CD93: variants seen among roughly 807,000 people sequenced by gnomAD.
CD93 encodes complement component C1q receptor.
CD93 carries 44 observed loss-of-function variants against 45.5 expected under a neutral mutation model. The ratio of observed to expected loss-of-function variants is 0.97; its 90% CI spans 0.76 to 1.24. The LOEUF is 1.24. CD93 is among the 50% of genes most tolerant of loss of function. The pLI is 0.00. For missense variants in CD93, 918 were observed against 844.5 expected (o/e 1.09, Z -1.08); for synonymous variants, 431 against 370.8 (o/e 1.16, Z -1.87).
rs140700593 is a variant in CD93 at position 23,085,359 on chromosome 20, C to G, written c.834G>C (p.Gly278=). 2.1e-4 allele frequency: 339 copies of G among 1,613,922 alleles called. 1 individual carries two copies. The highest frequency in any genetic ancestry group is 9.4e-4 in the East Asian group (42 of 44,892). ...NGGCHQDCFE[G]GDGSFLCGCR... is the part of the protein sequence containing the mutation. Reference sequence around the variant, plus strand: ...AGCCGCAGAGGAAGGAGCCATCCCCCCCTTCAAAGCAGTCCTGGTGGCAGC... The same window carrying G: ...AGCCGCAGAGGAAGGAGCCATCCCCGCCTTCAAAGCAGTCCTGGTGGCAGC... Residue 278 remains glycine, a synonymous_variant, in exon 1 of 2, where the codon GGG becomes GGC. Transcript: ENST00000246006.
At position 23,084,895 on chromosome 20, in the gene CD93, C is replaced by A. The variant is rs553782476; in HGVS notation, c.1298G>T (p.Gly433Val). The change falls in exon 1 of 2, where the codon GGC becomes GTC. Residue 433 changes from glycine (G) to valine (V), a missense_variant. Transcript: ENST00000246006. The part of the protein sequence containing the change: ...TQCQDVDECV[G>V]PGGPLCDSLC... Reference sequence around the variant, plus strand: ...GCTGTCGCAGAGGGGGCCCCCCGGGCCCACACACTCATCCACGTCCTGGCA... The same window carrying A: ...GCTGTCGCAGAGGGGGCCCCCCGGGACCACACACTCATCCACGTCCTGGCA... 1.9e-6 allele frequency: 3 copies of A among 1,613,002 alleles called. No homozygotes were observed.
chr20:23,080,123 T>G lies in CD93; in HGVS notation c.*3827A>C, dbSNP rs757899946. On this transcript the variant is annotated 3_prime_UTR_variant, in exon 2 of 2. Coordinates refer to ENST00000246006, the MANE Select transcript of CD93 (RefSeq NM_012072.4). Reference sequence around the variant, plus strand: ...AATATGTAGGGGGCATTAAACCATTTTGCAGCTGCTAGAAAGCTGTGTTTT... The same window carrying G: ...AATATGTAGGGGGCATTAAACCATTGTGCAGCTGCTAGAAAGCTGTGTTTT... The G allele has an allele frequency of 5.2e-5, 8 of 152,510 alleles. No homozygotes were observed. Among genetic ancestry groups the G allele is most frequent in the Non-Finnish European group, 8.8e-5 (6 of 68,026 alleles). The allele number at this position is 152,510 out of a possible 1,614,324, so 9.4% of individuals were successfully genotyped here.
chr20:23,086,011 G>A lies in CD93; in HGVS notation c.182C>T (p.Ala61Val). ...GGCCTCCTCCTTGCTCTTCACAGTG[G>A]CCAGGTTGCCCCCGTTCTGGTTGCA... ...NHCNQNGGNLATVKSKEEAQH... is the reference protein window; with the variant it reads ...NHCNQNGGNLVTVKSKEEAQH... Residue 61 changes from alanine (A) to valine (V), a missense_variant, in exon 1 of 2, where the codon GCC becomes GTC. Physicochemically the swap from Ala to Val is moderately conservative, Grantham distance 64. Coordinates refer to ENST00000246006, the MANE Select transcript of CD93 (RefSeq NM_012072.4). The A allele has an allele frequency of 6.2e-7, 1 of 1,610,286 alleles. No homozygotes were observed. The highest frequency in any genetic ancestry group is 8.5e-7 in the Non-Finnish European group (1 of 1,179,352).
chr20:23,083,654 C>A lies in CD93; in HGVS notation c.*296G>T. On this transcript the variant is annotated 3_prime_UTR_variant, in exon 2 of 2. Coordinates refer to ENST00000246006, the MANE Select transcript of CD93 (RefSeq NM_012072.4). ...GCCCCTTAGCCCCGGCCTCCTCACA[C>A]CCTGATCCGGAATTGGTCACATTGG... The A allele has an allele frequency of 2.0e-6, 1 of 504,156 alleles. No individual in the cohort carries two copies. The highest frequency in any genetic ancestry group is 3.6e-6 in the Non-Finnish European group (1 of 279,370). The allele number at this position is 504,156 out of a possible 1,614,324, so 31.2% of individuals were successfully genotyped here.
At chr20:23,084,030 T>C in intron 1 of CD93, 56 bp from the exon 2 acceptor site, 2 of 1,605,602 alleles carry the variant, frequency 1.2e-6, no homozygotes, top group Non-Finnish European at 1.7e-6. Flanking sequence ...TGCCTGCACG[T>C]CCCCACCTTG....
At position 23,084,244 on chromosome 20, in the gene CD93, C is replaced by A; in HGVS notation, c.1934+15G>T. 6.2e-7 allele frequency: 1 copy of A among 1,611,492 alleles called. No individual in the cohort carries two copies. Among genetic ancestry groups the A allele is most frequent in the Non-Finnish European group, 8.5e-7 (1 of 1,178,950 alleles). ...CTGCCCATCCCCTCCCCCGGTCACT[C>A]AGGGCCCCCTTTACCTGTACTGGTT... is the stretch of plus-strand genomic sequence containing the variant. On this transcript the variant is annotated intron_variant, in intron 1 of 1. Coordinates refer to ENST00000246006, the MANE Select transcript of CD93 (RefSeq NM_012072.4).
rs901684958 is a variant in CD93 at position 23,083,794 on chromosome 20, C to G, written c.*156G>C. The G allele has an allele frequency of 1.1e-5, 8 of 715,464 alleles. No homozygotes were observed. In the African/African-American group the frequency reaches 1.4e-4, roughly 13 times the overall value. The allele number at this position is 715,464 out of a possible 1,614,324, so 44.3% of individuals were successfully genotyped here. On this transcript the variant is annotated 3_prime_UTR_variant, in exon 2 of 2. Coordinates refer to ENST00000246006, the MANE Select transcript of CD93 (RefSeq NM_012072.4). ...ATCAAACACCCGTAGAAAATACCTG[C>G]ATGTTCCAAGGGGCCTTTAAGGAGG...
rs764193328 is a variant in CD93, at chr20:23,085,839, G to A, written c.354C>T (p.Gly118=). 3.1e-5 allele frequency: 14 copies of A among 453,014 alleles called. No homozygotes were observed. The highest frequency in any genetic ancestry group is 9.4e-5 in the East Asian group (1 of 10,592). 28.1% of individuals were successfully genotyped at this position (453,014 alleles called of 1,614,324 possible). A position where few individuals can be genotyped will look rare whatever the true frequency, so the allele number is the denominator to read the frequency against. The change falls in exon 1 of 2, where the codon GGC becomes GGT. Residue 118 remains glycine (G), a synonymous_variant. Transcript: ENST00000246006. ...TAGAGTAAGGCGTGTCCTCCCCCCCGCCCACCCAGCTGAAGCCCTTCAGCG... is the reference window on the plus strand; with the variant it reads ...TAGAGTAAGGCGTGTCCTCCCCCCCACCCACCCAGCTGAAGCCCTTCAGCG... The part of the protein sequence containing the change: ...SLPLKGFSWV[G]GGEDTPYSNW...
chr20:23,084,322 G>T lies in CD93; in HGVS notation c.1871C>A (p.Ala624Glu), dbSNP rs201836966. 1.1e-4 allele frequency: 178 copies of T among 1,614,134 alleles called. 1 individual carries two copies. In the African/African-American group the frequency reaches 2.2e-3, roughly 20 times the overall value. ...TGGAACCCAGGAGTAACTGTCTGCC[G>T]CATTCTGGGGCTTCTTCTCCTTCTT... ...EEKKEKKPQN[A>E]ADSYSWVPER... Residue 624 changes from alanine (A) to glutamate (E), a missense_variant, in exon 1 of 2, where the codon GCG becomes GAG. Physicochemically the swap from Ala to Glu is moderately radical, Grantham distance 107. Transcript: ENST00000246006.
rs779465056 is a variant in CD93 at position 23,084,885 on chromosome 20, GC to G, written c.1307del (p.Gly436AlafsTer152). ...QDVDECVGPGGPLCDSLCFNT... is the reference protein window; with the variant it reads ...QDVDECVGPGXPLCDSLCFNT... ...TGAAGCACAAGCTGTCGCAGAGGGG[GC>G]CCCCCGGGCCCACACACTCATCCAC... On this transcript the variant is annotated frameshift_variant, in exon 1 of 2. Coordinates refer to ENST00000246006, the MANE Select transcript of CD93 (RefSeq NM_012072.4). LOFTEE classifies it high-confidence loss of function. 11 of 1,612,672 alleles carry G rather than the reference GC, an allele frequency of 6.8e-6. No homozygotes were observed. Among genetic ancestry groups the G allele is most frequent in the Admixed American group, 1.7e-5 (1 of 59,896 alleles).
chr20:23,085,281 G>A lies in CD93; in HGVS notation c.912C>T (p.Asn304=), dbSNP rs1985457787. ...LDDLVTCASR[N]PCSSSPCRGG... is the part of the protein sequence containing the mutation. ...CACGACATGGGCTGGAGCTGCAAGG[G>A]TTTCGAGAGGCACAGGTCACCAGGT... The change falls in exon 1 of 2, where the codon AAC becomes AAT. Residue 304 remains asparagine, a synonymous_variant. Transcript: ENST00000246006. 1 of 1,613,950 alleles carries A rather than the reference G, an allele frequency of 6.2e-7. No homozygotes were observed.
Position 23,080,578 on chromosome 20 carries a change from C to G in CD93, c.*3372G>C, listed in dbSNP as rs1985297728. 1 of 152,238 alleles carries G rather than the reference C, an allele frequency of 6.6e-6. No homozygotes were observed. The highest frequency in any genetic ancestry group is 2.1e-4 in the South Asian group (1 of 4,838). 9.4% of individuals were successfully genotyped at this position (152,238 alleles called of 1,614,324 possible). On this transcript the variant is annotated 3_prime_UTR_variant, in exon 2 of 2. Transcript: ENST00000246006. ...TGAAGCCTTGCTCCTCCACCACTGGCTAACAGACAGGCCTCCAGGTGGCCT... is the reference window on the plus strand; with the variant it reads ...TGAAGCCTTGCTCCTCCACCACTGGGTAACAGACAGGCCTCCAGGTGGCCT...
Position 23,083,208 on chromosome 20 carries a change from C to T in CD93, c.*742G>A, listed in dbSNP as rs1456030281. On this transcript the variant is annotated 3_prime_UTR_variant, in exon 2 of 2. Coordinates refer to ENST00000246006, the MANE Select transcript of CD93 (RefSeq NM_012072.4). ...TCCCTGGCCTCTCTCGCCCTAGCCC[C>T]GTAGATTATGTGACTTCACAAACAC... 1 of 152,250 alleles carries T rather than the reference C, an allele frequency of 6.6e-6. No homozygotes were observed. The highest frequency in any genetic ancestry group is 1.5e-5 in the Non-Finnish European group (1 of 68,062). 9.4% of individuals were successfully genotyped at this position (152,250 alleles called of 1,614,324 possible). A position where few individuals can be genotyped will look rare whatever the true frequency, so the allele number is the denominator to read the frequency against.
At position 23,085,108 on chromosome 20, in the gene CD93, G is replaced by A. The variant is rs2122707856; in HGVS notation, c.1085C>T (p.Pro362Leu). ...SPCAQECVNT[P>L]GGFRCECWVG... Reference sequence around the variant, plus strand: ...CCAGCATTCGCAGCGGAAGCCCCCAGGGGTGTTGACACACTCCTGGGCACA... The same window carrying A: ...CCAGCATTCGCAGCGGAAGCCCCCAAGGGTGTTGACACACTCCTGGGCACA... Residue 362 changes from proline to leucine, a missense_variant, in exon 1 of 2, where the codon CCT becomes CTT. By Grantham distance (98) the Pro-to-Leu change is moderately conservative (BLOSUM62 -3). Coordinates refer to ENST00000246006, the MANE Select transcript of CD93 (RefSeq NM_012072.4). 6 of 1,600,952 alleles carry A rather than the reference G, an allele frequency of 3.7e-6. No homozygotes were observed. The highest frequency in any genetic ancestry group is 5.1e-6 in the Non-Finnish European group (6 of 1,172,740).
In CD93 at chr20:23,084,385, A is replaced by G; in HGVS notation, c.1808T>C (p.Leu603Pro). ...ILLLLALALG[L>P]LVYRKRRAKR... is the part of the protein sequence containing the mutation. ...CGCTCTCCGCTTGCGATAGACCAGT[A>G]GCCCCAGAGCCAGGGCCAGCAGGAG... The change falls in exon 1 of 2, where the codon CTA (leucine) becomes CCA (proline). Residue 603 changes from leucine (L) to proline (P), a missense_variant. Leu to Pro is a moderately conservative substitution (Grantham distance 98, BLOSUM62 -3). Transcript: ENST00000246006. 6.2e-7 allele frequency: 1 copy of G among 1,614,210 alleles called. No individual in the cohort carries two copies. Among genetic ancestry groups the G allele is most frequent in the Non-Finnish European group, 8.5e-7 (1 of 1,180,042 alleles).
Position 23,082,082 on chromosome 20 carries a change from T to A in CD93, c.*1868A>T, listed in dbSNP as rs755060117. On this transcript the variant is annotated 3_prime_UTR_variant, in exon 2 of 2. Transcript: ENST00000246006. ...ACACAGCCTTTGTCTCCCTTAAGTG[T>A]TAAACACCAGAGTTCCAACTGAAAA... 3.3e-5 allele frequency: 5 copies of A among 152,132 alleles called. No homozygotes were observed. The highest frequency in any genetic ancestry group is 7.3e-5 in the Non-Finnish European group (5 of 68,030). The allele number at this position is 152,132 out of a possible 1,614,324, so 9.4% of individuals were successfully genotyped here.
rs1443764727 is a variant in CD93, at chr20:23,085,291, G to A, written c.902C>T (p.Ala301Val). The A allele has an allele frequency of 1.2e-6, 2 of 1,613,980 alleles. No individual in the cohort carries two copies. Among genetic ancestry groups the A allele is most frequent in the Admixed American group, 3.3e-5 (2 of 60,028 alleles). Reference protein sequence around the residue: ...FRLLDDLVTCASRNPCSSSPC... With the variant: ...FRLLDDLVTCVSRNPCSSSPC... ...GCTGGAGCTGCAAGGGTTTCGAGAGGCACAGGTCACCAGGTCATCCAGCAG... is the reference window on the plus strand; with the variant it reads ...GCTGGAGCTGCAAGGGTTTCGAGAGACACAGGTCACCAGGTCATCCAGCAG... Residue 301 changes from alanine to valine, a missense_variant, in exon 1 of 2, where the codon GCC becomes GTC. Ala to Val is a moderately conservative substitution (Grantham distance 64). Transcript: ENST00000246006.
Position 23,084,604 on chromosome 20 carries a change from G to C in CD93, c.1589C>G (p.Ala530Gly). 6.2e-7 allele frequency: 1 copy of C among 1,611,596 alleles called. No individual in the cohort carries two copies. The highest frequency in any genetic ancestry group is 8.5e-7 in the Non-Finnish European group (1 of 1,178,596). The change falls in exon 1 of 2, where the codon GCC becomes GGC. Residue 530 changes from alanine to glycine, a missense_variant. Transcript: ENST00000246006. ...ACTGGGGGCCAGCATCTTGAGTGGG[G>C]CAGATGTGATGGGGGCGTCAGATGA... ...SLSSDAPITSAPLKMLAPSGS... is the reference protein window; with the variant it reads ...SLSSDAPITSGPLKMLAPSGS...
chr20:23,085,011 C>T lies in CD93; in HGVS notation c.1182G>A (p.Ser394=), dbSNP rs373112634. 64 of 1,613,910 alleles carry T rather than the reference C, an allele frequency of 4.0e-5. No individual in the cohort carries two copies. The African/African-American group carries it at 5.1e-4, about 13-fold the overall frequency. The stretch of plus-strand genomic sequence containing the variant: ...TGTTGGTGCAGCCCTGGGCGCAAGG[C>T]GAGCGACCCAGAGCACACTCATCCA... The part of the protein sequence containing the change: ...QDVDECALGR[S]PCAQGCTNTD... The change falls in exon 1 of 2, where the codon TCG becomes TCA. Residue 394 remains serine (S), a synonymous_variant. Transcript: ENST00000246006.
Sources: allele counts gnomAD v4.1 joint callset, GRCh38; gene constraint gnomAD v4.1.1; transcripts MANE v1.5; gene names NCBI Gene and HGNC (gene_info 2026-07-23, HGNC 2026-07-21).